Variants in ZNF704 observed in about 807,000 individuals in gnomAD.
ZNF704 encodes glucocorticoid induced gene 1.
A neutral mutation model predicts 44.7 loss-of-function variants in ZNF704; 10 were observed. The observed-to-expected ratio is 0.22, with a 90% CI of 0.14 to 0.38. ZNF704 has a LOEUF of 0.38. Among genes scored for constraint, ZNF704 ranks in the 10% least tolerant of loss-of-function variants. The pLI is 1.00. For synonymous variants in ZNF704, 211 were observed against 207.6 expected (o/e 1.02, Z -0.14); for missense variants, 390 against 545.5 (o/e 0.71, Z 2.84).
chr8:80,652,201 C>A (rs1034156415), intron 7 of ZNF704, among the ~76,000 whole-genome samples: 9 of 151,928 alleles, frequency 5.9e-5, no homozygotes, highest in African/African-American at 1.9e-4. Context: ...ACTAAATGCC[C>A]ACAAGAGAAA....
intron 2 of ZNF704, among the ~76,000 whole-genome samples, chr8:80,774,831 G>C (rs1175437275): frequency 6.6e-6 from 1 of 152,186 alleles, no homozygotes; most frequent in Non-Finnish European, 1.5e-5. Context: ...GAAAGAGCAG[G>C]CTCCATTGGA....
chr8:80,848,744 GCCTGGGTGATGGAGTGAGAC>G (rs1408796864), intron 1 of ZNF704, among the ~76,000 whole-genome samples: 3 of 151,786 alleles, frequency 2.0e-5, no homozygotes, highest in Non-Finnish European at 4.4e-5. Context: ...CTGCACTCCA[GCCTGGGTGATGGAGTGAGAC>G]CCTGTCTCAA....
At chr8:80,688,697 G>A (rs1295501480) in intron 3 of ZNF704, among the ~76,000 whole-genome samples, 1 of 152,196 alleles carries the variant, frequency 6.6e-6, no homozygotes, top group Non-Finnish European at 1.5e-5. Context: ...CCCATTTGTG[G>A]TGGAAAGCAT....
chr8:80,839,871 T>C (rs1349328529), intron 1 of ZNF704, among the ~76,000 whole-genome samples: 1 of 151,920 alleles, frequency 6.6e-6, no homozygotes, highest in Non-Finnish European at 1.5e-5. Context: ...AATGAATACA[T>C]AAATACAACA....
chr8:80,764,207 G>A (rs1563545424), intron 2 of ZNF704, among the ~76,000 whole-genome samples: 1 of 152,126 alleles, frequency 6.6e-6, no homozygotes, highest in Non-Finnish European at 1.5e-5. Context: ...TAAATACACT[G>A]CTATAAAGAA....
chr8:80,876,932 G>C (rs966974071), upstream of ZNF704, among the ~76,000 whole-genome samples: 2 of 152,096 alleles, frequency 1.3e-5, no homozygotes, highest in East Asian at 3.9e-4. Context: ...CAAGCATGTA[G>C]CTTTTTGTGC....
intron 2 of ZNF704, among the ~76,000 whole-genome samples, chr8:80,716,906 T>A (rs1819080506): frequency 2.0e-5 from 3 of 152,254 alleles, no homozygotes; most frequent in South Asian, 2.1e-4. Context: ...CAGCAAGATT[T>A]GTTACTTGCT....
intron 4 of ZNF704, among the ~76,000 whole-genome samples, chr8:80,672,800 T>C (rs548195895): frequency 6.6e-6 from 1 of 152,204 alleles, no homozygotes; most frequent in South Asian, 2.1e-4. Context: ...TGAAAAACTA[T>C]CTATTGGGTA....
intron 1 of ZNF704, among the ~76,000 whole-genome samples, chr8:80,865,937 T>A (rs951012305): frequency 6.6e-6 from 1 of 152,224 alleles, no homozygotes; most frequent in African/African-American, 2.4e-5. Context: ...ATTGTAACTC[T>A]AGATTTTTCC....
chr8:80,778,341 A>C (rs1807450311), intron 2 of ZNF704, among the ~76,000 whole-genome samples: 1 of 152,212 alleles, frequency 6.6e-6, no homozygotes, highest in Non-Finnish European at 1.5e-5. Flanking sequence ...CTATTACTAG[A>C]AAGTCAAAAA....
At chr8:80,649,339 C>T (rs1817878588) in intron 7 of ZNF704, among the ~76,000 whole-genome samples, 1 of 152,130 alleles carries the variant, frequency 6.6e-6, no homozygotes, top group South Asian at 2.1e-4. Context: ...GTGCAGCACA[C>T]CGAGTGTGAG....
intron 1 of ZNF704, among the ~76,000 whole-genome samples, chr8:80,867,021 T>C (rs1418558435): frequency 2.6e-5 from 4 of 152,206 alleles, no homozygotes; most frequent in African/African-American, 7.2e-5. Flanking sequence ...GGTCAACCAG[T>C]AGTAAAATGC....
chr8:80,634,658 G>A lies in ZNF704; in HGVS notation c.*6708C>T, dbSNP rs1817638754. 1 of 152,182 alleles carries A rather than the reference G, an allele frequency of 6.6e-6. No homozygotes were observed. Among genetic ancestry groups the A allele is most frequent in the Non-Finnish European group, 1.5e-5 (1 of 68,074 alleles). The allele number at this position is 152,182 out of a possible 1,614,324, so 9.4% of individuals were successfully genotyped here. On this transcript the variant is annotated 3_prime_UTR_variant, in exon 9 of 9. Coordinates refer to ENST00000327835, the MANE Select transcript of ZNF704 (RefSeq NM_001033723.3). The stretch of plus-strand genomic sequence containing the variant: ...GTTCTGATTGTCTAGAGCTGAGTGT[G>A]GGCACCCCTTCAAAGAGGGCATGTG...
chr8:80,754,115 C>T (rs553599756), intron 2 of ZNF704, among the ~76,000 whole-genome samples: 2 of 152,274 alleles, frequency 1.3e-5, no homozygotes, highest in Non-Finnish European at 2.9e-5. Context: ...CCTAAAGGGC[C>T]TTTCCTGACT....
chr8:80,867,276 G>T (rs1273778981), intron 1 of ZNF704, among the ~76,000 whole-genome samples: 1 of 152,184 alleles, frequency 6.6e-6, no homozygotes, highest in African/African-American at 2.4e-5. Flanking sequence ...ACCTCTAGCT[G>T]AGGTACTTTA....
chr8:80,738,514 A>C (rs1457870587), intron 2 of ZNF704, among the ~76,000 whole-genome samples: 1 of 152,162 alleles, frequency 6.6e-6, no homozygotes, highest in East Asian at 1.9e-4. Context: ...TACTGTACCC[A>C]AGGTGACACA....
rs1033301098 is a variant in ZNF704 at position 80,629,849 on chromosome 8, G to A, written c.*11517C>T. 2 of 152,134 alleles carry A rather than the reference G, an allele frequency of 1.3e-5. No homozygotes were observed. The highest frequency in any genetic ancestry group is 2.4e-5 in the African/African-American group (1 of 41,430). The allele number at this position is 152,134 out of a possible 1,614,324, so 9.4% of individuals were successfully genotyped here. ...ATATTCGTTCACTTCATGCAGTTTTGTTTGCTTGTTAATCCAGTGTTACTA... is the reference window on the plus strand; with the variant it reads ...ATATTCGTTCACTTCATGCAGTTTTATTTGCTTGTTAATCCAGTGTTACTA... On this transcript the variant is annotated 3_prime_UTR_variant, in exon 9 of 9. Transcript: ENST00000327835.
intron 2 of ZNF704, among the ~76,000 whole-genome samples, chr8:80,790,771 T>G (rs889572799): frequency 6.6e-6 from 1 of 151,976 alleles, no homozygotes; most frequent in African/African-American, 2.4e-5. Flanking sequence ...TCTGAGGGCA[T>G]GAAGCTAAGT....
At chr8:80,880,760 C>A in the ZNF704 span, among the ~76,000 whole-genome samples, 1 of 152,070 alleles carries the variant, frequency 6.6e-6, no homozygotes, top group African/African-American at 2.4e-5. Context: ...GATATATGAT[C>A]ACAAAAAACT....
Sources: gnomAD v4.1 joint callset for allele counts (sites outside exome capture counted in the v4.1 genomes callset) on GRCh38, gnomAD v4.1.1 for gene constraint, MANE v1.5 for transcripts, NCBI Gene and HGNC (gene_info 2026-07-23, HGNC 2026-07-21) for gene names.